ABLIM2: variants seen among roughly 807,000 people sequenced by gnomAD.
The protein encoded by ABLIM2 is actin binding LIM protein family member 2, also known as actin-binding LIM protein 2.
A neutral mutation model predicts 97.7 loss-of-function variants in ABLIM2; 53 were observed. The observed-to-expected ratio is 0.54, with a 90% CI of 0.44 to 0.68. ABLIM2 has a LOEUF of 0.68. ABLIM2 is among the 30% of genes least tolerant of loss of function. The pLI is 0.00. For synonymous variants in ABLIM2, 361 were observed against 345.8 expected (o/e 1.04, Z -0.49); for missense variants, 835 against 867.2 (o/e 0.96, Z 0.47).
At chr4:7,990,123 C>T (rs958120117) in intron 17 of ABLIM2, among the ~76,000 whole-genome samples, 5 of 152,154 alleles carry the variant, frequency 3.3e-5, no homozygotes, top group African/African-American at 1.2e-4. Context: ...GACAGTGAGG[C>T]CTACATCACT....
chr4:7,994,757 C>G (rs1268374350), intron 16 of ABLIM2, among the ~76,000 whole-genome samples: 1 of 116,574 alleles, frequency 8.6e-6, no homozygotes, highest in Non-Finnish European at 2.1e-5. Context: ...CTCTCCAGCA[C>G]CTGTTGTTTC....
intron 9 of ABLIM2, 78 bp downstream of exon 9, chr4:8,045,085 TG>T: frequency 7.8e-7 from 1 of 1,280,026 alleles, no homozygotes; most frequent in Non-Finnish European, 1.1e-6. Context: ...CTCTTAGGGG[TG>T]GGCTTAGCCA....
At chr4:8,029,864 T>A in intron 10 of ABLIM2, 88 bp from the exon 11 acceptor site, 1 of 1,479,878 alleles carries the variant, frequency 6.8e-7, no homozygotes. Flanking sequence ...ATTTGGTGTT[T>A]GCCCTCCTGA....
chr4:8,088,766 C>A (rs1467511030), intron 3 of ABLIM2, among the ~76,000 whole-genome samples: 1 of 152,214 alleles, frequency 6.6e-6, no homozygotes, highest in African/African-American at 2.4e-5. Context: ...TGAGTAACCC[C>A]ACGCCATTCA....
At chr4:8,121,591 C>A (rs1845483281) in intron 1 of ABLIM2, among the ~76,000 whole-genome samples, 1 of 152,152 alleles carries the variant, frequency 6.6e-6, no homozygotes, top group East Asian at 1.9e-4. Flanking sequence ...AGTCTGTGGC[C>A]AGGCCAACAC....
rs1381353144 is a variant in ABLIM2 at position 8,123,610 on chromosome 4, A to T, written c.11-16973T>A. 2.0e-5 allele frequency among the ~76,000 whole-genome samples: 3 copies of T among 152,212 alleles called. No homozygotes were observed. The highest frequency in any genetic ancestry group is 2.9e-5 in the Non-Finnish European group (2 of 68,018). On this transcript the variant is annotated intron_variant, in intron 1 of 20. Coordinates refer to ENST00000447017, the MANE Select transcript of ABLIM2 (RefSeq NM_001130083.2). This position sits in a 1 kb window ranked among gnomAD's most constrained non-coding sequence, Gnocchi z 6.2. ...GCCAGGCAGGGGAAACTGGCTGCAGAGGCTCTGTGACATTCACTAACCACC... is the reference window on the plus strand; with the variant it reads ...GCCAGGCAGGGGAAACTGGCTGCAGTGGCTCTGTGACATTCACTAACCACC...
rs536478578 is a variant in ABLIM2 at position 7,993,699 on chromosome 4, C to A, written c.1619-772G>T. 2.0e-5 allele frequency among the ~76,000 whole-genome samples: 3 copies of A among 152,208 alleles called. No individual in the cohort carries two copies. In the South Asian group the frequency reaches 6.2e-4, roughly 32 times the overall value. On this transcript the variant is annotated intron_variant, in intron 16 of 20. Coordinates refer to ENST00000447017, the MANE Select transcript of ABLIM2 (RefSeq NM_001130083.2). ...CTCTAAAAAAATAAATAAAAAAAATCCTGAGTTGCTTGCAATTGGGGGGCT... is the reference window on the plus strand; with the variant it reads ...CTCTAAAAAAATAAATAAAAAAAATACTGAGTTGCTTGCAATTGGGGGGCT...
intron 9 of ABLIM2, among the ~76,000 whole-genome samples, chr4:8,041,972 A>C (rs1452000059): frequency 3.0e-5 from 4 of 133,388 alleles, no homozygotes; most frequent in African/African-American, 5.1e-5. Context: ...TTCCAACAAC[A>C]ACAGCAGCAA....
At chr4:8,029,978 G>A (rs1262086222) in intron 10 of ABLIM2, among the ~76,000 whole-genome samples, 8 of 152,270 alleles carry the variant, frequency 5.3e-5, no homozygotes, top group South Asian at 2.1e-4. Flanking sequence ...CACACTCCCC[G>A]CTGTGCCTGC....
chr4:8,090,524 C>T (rs1826601282), intron 3 of ABLIM2, among the ~76,000 whole-genome samples: 1 of 152,064 alleles, frequency 6.6e-6, no homozygotes, highest in Non-Finnish European at 1.5e-5. Context: ...GACAAATGTA[C>T]ACACCCATAT....
rs1020818768 is a variant in ABLIM2 at position 8,054,841 on chromosome 4, A to G, written c.764-595T>C. On this transcript the variant is annotated intron_variant, in intron 7 of 20. Coordinates refer to ENST00000447017, the MANE Select transcript of ABLIM2 (RefSeq NM_001130083.2). This position sits in a 1 kb window ranked among gnomAD's most constrained non-coding sequence, Gnocchi z 4.9. The stretch of plus-strand genomic sequence containing the variant: ...CGGTGGGAGCTGGGCACAAGGCTCA[A>G]ACACCAGCCCCACCCTGTTACTAAT... 6.6e-6 allele frequency among the ~76,000 whole-genome samples: 1 copy of G among 152,010 alleles called. No homozygotes were observed. The highest frequency in any genetic ancestry group is 2.4e-5 in the African/African-American group (1 of 41,370).
At chr4:8,151,346 A>G (rs1210933314) in intron 1 of ABLIM2, among the ~76,000 whole-genome samples, 1 of 152,150 alleles carries the variant, frequency 6.6e-6, no homozygotes, top group African/African-American at 2.4e-5. Context: ...CCTGGCACCC[A>G]CAAGGACCAG....
intron 8 of ABLIM2, among the ~76,000 whole-genome samples, chr4:8,045,979 C>T (rs776634865): frequency 2.0e-5 from 3 of 152,156 alleles, no homozygotes; most frequent in Non-Finnish European, 2.9e-5. Context: ...CCTCCATGGG[C>T]CCCCAAGCCT....
chr4:8,151,176 C>T (rs1406451994), intron 1 of ABLIM2, among the ~76,000 whole-genome samples: 2 of 152,116 alleles, frequency 1.3e-5, no homozygotes, highest in Non-Finnish European at 2.9e-5. Flanking sequence ...GTGCCCAGCC[C>T]CAAAGCCAGT....
chr4:8,007,120 T>C (rs1761961175), intron 16 of ABLIM2: 1 of 985,320 alleles, frequency 1.0e-6, no homozygotes, highest in African/African-American at 1.7e-5. Flanking sequence ...TCTACTTTCA[T>C]TGTTAAGTAG....
Position 8,032,711 on chromosome 4 carries a change from G to A in ABLIM2, c.1048-2935C>T. The A allele has an allele frequency of 6.2e-7, 1 of 1,612,172 alleles. No homozygotes were observed. The highest frequency in any genetic ancestry group is 8.5e-7 in the Non-Finnish European group (1 of 1,179,772). On this transcript the variant is annotated intron_variant, in intron 10 of 20. Coordinates refer to ENST00000447017, the MANE Select transcript of ABLIM2 (RefSeq NM_001130083.2). The surrounding 1 kb of genome is among the most constrained non-coding windows in gnomAD (Gnocchi z 4.3). ...GACACAACACACAAAGTGGCCATTAGTGCTGGCGCCAGGCAGAGAGGGAGG... is the reference window on the plus strand; with the variant it reads ...GACACAACACACAAAGTGGCCATTAATGCTGGCGCCAGGCAGAGAGGGAGG...
chr4:8,093,719 G>A (rs1430731157), intron 3 of ABLIM2, among the ~76,000 whole-genome samples: 1 of 152,218 alleles, frequency 6.6e-6, no homozygotes, highest in Admixed American at 6.5e-5. Context: ...CTGATGAGAA[G>A]TCTGGAGTCA....
In ABLIM2 at chr4:8,047,453, C is replaced by G. The variant is rs576987812; in HGVS notation, c.823-2212G>C. On this transcript the variant is annotated intron_variant, in intron 8 of 20. Coordinates refer to ENST00000447017, the MANE Select transcript of ABLIM2 (RefSeq NM_001130083.2). ...CAGCTTCCTTGGGCTTCCCTCAGCCCTGGTGCAACACACCAGGTGGGCATC... is the reference window on the plus strand; with the variant it reads ...CAGCTTCCTTGGGCTTCCCTCAGCCGTGGTGCAACACACCAGGTGGGCATC... 3.9e-5 allele frequency among the ~76,000 whole-genome samples: 6 copies of G among 152,284 alleles called. No individual in the cohort carries two copies. The South Asian group carries it at 1.0e-3, about 26-fold the overall frequency.
intron 3 of ABLIM2, among the ~76,000 whole-genome samples, chr4:8,091,379 T>TTATATGTAATATATAATTATATATTA (rs1391392299): frequency 1.7e-5 from 1 of 59,794 alleles, no homozygotes; most frequent in African/African-American, 6.5e-5. Flanking sequence ...TTACATATAA[T>TTATATGTAATATATAATTATATATTA]TATATTATAT....
Sources: gnomAD v4.1 joint callset for allele counts (sites outside exome capture counted in the v4.1 genomes callset) on GRCh38, gnomAD v4.1.1 for gene constraint, Gnocchi (gnomAD v3.1) non-coding constraint, MANE v1.5 for transcripts, NCBI Gene and HGNC (gene_info 2026-07-23, HGNC 2026-07-21) for gene names.